The following MME variants were observed in gnomAD, a reference collection of about 807,000 sequenced individuals.
MME encodes the protein neprilysin.
In MME, 98 loss-of-function variants were observed where a neutral mutation model predicts 113.2. That is an observed-to-expected ratio of 0.87 (90% CI 0.74 to 1.02). The LOEUF (loss-of-function observed/expected upper bound fraction) is 1.02. Ranked by LOEUF, MME falls within the 50% of genes least tolerant of loss-of-function variation. The pLI is 0.00. For missense variants in MME, 836 were observed against 896.0 expected (o/e 0.93, Z 0.86); for synonymous variants, 292 against 300.6 (o/e 0.97, Z 0.30).
intron 1 of MME, among the ~76,000 whole-genome samples, chr3:155,069,136 A>T (rs955149289): frequency 3.9e-5 from 6 of 152,158 alleles, no homozygotes; most frequent in Non-Finnish European, 7.3e-5. Flanking sequence ...TAATTTTTGT[A>T]GGTTTGGGAG....
intron 1 of MME, among the ~76,000 whole-genome samples, chr3:155,052,535 CA>C (rs1713796756): frequency 1.3e-5 from 2 of 152,262 alleles, no homozygotes; most frequent in African/African-American, 4.8e-5. Context: ...CCCTCTGAAG[CA>C]ATGACCTGAG....
chr3:155,031,201 T>C (rs2108113688), intron 1 of MME, among the ~76,000 whole-genome samples: 1 of 152,290 alleles, frequency 6.6e-6, no homozygotes, highest in East Asian at 1.9e-4. Context: ...TTAAAGGGTA[T>C]CATCTGATAT....
chr3:155,129,514 G>A (rs1719965294), intron 8 of MME, among the ~76,000 whole-genome samples: 1 of 151,566 alleles, frequency 6.6e-6, no homozygotes, highest in South Asian at 2.1e-4. Flanking sequence ...TGGAATTTTT[G>A]TATTGTAATA....
intron 1 of MME, among the ~76,000 whole-genome samples, chr3:155,033,781 C>G (rs1713046846): frequency 1.3e-5 from 2 of 151,914 alleles, no homozygotes; most frequent in African/African-American, 4.8e-5. Context: ...ATACAATGAA[C>G]AGATATACCT....
intron 8 of MME, among the ~76,000 whole-genome samples, chr3:155,134,773 T>G (rs2108297342): frequency 6.6e-6 from 1 of 152,302 alleles, no homozygotes; most frequent in South Asian, 2.1e-4. Flanking sequence ...AAGTGTTCCC[T>G]TTTCTCTGTA....
chr3:155,101,893 G>GA (rs1332783296), intron 3 of MME, among the ~76,000 whole-genome samples: 3 of 151,868 alleles, frequency 2.0e-5, no homozygotes, highest in Non-Finnish European at 2.9e-5. Flanking sequence ...GTTTTACATG[G>GA]AAAAAAAATG....
intron 8 of MME, among the ~76,000 whole-genome samples, chr3:155,136,677 CT>C (rs1720661772): frequency 6.6e-6 from 1 of 152,064 alleles, no homozygotes; most frequent in Non-Finnish European, 1.5e-5. Flanking sequence ...TTCTATTTTC[CT>C]ATTAGTTTTA....
At chr3:155,089,695 T>C (rs562071928) in intron 3 of MME, 158 of 286,346 alleles carry the variant, frequency 5.5e-4, no homozygotes, top group African/African-American at 3.3e-3. Context: ...CCTCTGAATA[T>C]GTTGCCTTAT....
intron 9 of MME, 32 bp downstream of exon 9, chr3:155,138,268 A>G (rs752715507): frequency 1.2e-6 from 2 of 1,607,618 alleles, no homozygotes; most frequent in South Asian, 1.1e-5. Flanking sequence ...GATACACTGA[A>G]TAATGTCAAC....
chr3:155,068,272 G>A (rs930854810), intron 1 of MME, among the ~76,000 whole-genome samples: 2 of 152,174 alleles, frequency 1.3e-5, no homozygotes, highest in Non-Finnish European at 2.9e-5. Context: ...GGTTGCCTAA[G>A]AATAAGAGAT....
rs755092137 is a variant in MME at position 155,172,585 on chromosome 3, C to T, written c.2126C>T (p.Thr709Ile). 6.2e-7 allele frequency: 1 copy of T among 1,612,852 alleles called. No homozygotes were observed. The highest frequency in any genetic ancestry group is 1.3e-5 in the African/African-American group (1 of 74,836). Residue 709 changes from threonine to isoleucine, a missense_variant, in exon 22 of 23, where the codon ACA becomes ATA. Thr to Ile is a moderately conservative substitution (Grantham distance 89). Coordinates refer to ENST00000360490, the MANE Select transcript of MME (RefSeq NM_007289.4). ...RPEYAVNSIK[T>I]DVHSPGNFRI... is the part of the protein sequence containing the mutation. Reference sequence around the variant, plus strand: ...GAGTATGCGGTTAACTCCATTAAAACAGATGTGCACAGTCCAGGCAATTTC... The same window carrying T: ...GAGTATGCGGTTAACTCCATTAAAATAGATGTGCACAGTCCAGGCAATTTC...
rs1468741223 is a variant in MME, at chr3:155,142,127, G to T, written c.1094G>T (p.Arg365Ile). ...LKPILTKYSA[R>I]DLQNLMSWRF... ...CCCATTCTTACCAAATATTCTGCCA[G>T]GTAGGTATGTCACAGTCCCCATGTC... Residue 365 changes from arginine to isoleucine, a missense_variant and splice_region_variant, in exon 11 of 23, where the codon AGA becomes ATA. Transcript: ENST00000360490. The T allele has an allele frequency of 6.2e-7, 1 of 1,613,658 alleles. No individual in the cohort carries two copies. The highest frequency in any genetic ancestry group is 1.3e-5 in the African/African-American group (1 of 74,856).
At chr3:155,036,477 A>G (rs1294689616) in intron 1 of MME, among the ~76,000 whole-genome samples, 2 of 152,126 alleles carry the variant, frequency 1.3e-5, no homozygotes, top group Admixed American at 6.6e-5. Flanking sequence ...TTTTGTCCCT[A>G]TACCTTTAAT....
rs181360080 is a variant in MME at position 155,170,029 on chromosome 3, G to A, written c.1980+1232G>A. ...TGAATGTTTAGTAATTTTTTTGTTC[G>A]ATGCCAGACATTATGCATTTTACCT... is the stretch of plus-strand genomic sequence containing the variant. On this transcript the variant is annotated intron_variant, in intron 20 of 22. Coordinates refer to ENST00000360490, the MANE Select transcript of MME (RefSeq NM_007289.4). Among the ~76,000 whole-genome samples the A allele has an allele frequency of 1.1e-4, 16 of 152,114 alleles. No homozygotes were observed. The East Asian group carries it at 1.9e-3, about 18-fold the overall frequency.
intron 3 of MME, chr3:155,112,187 G>A (rs1471281069): frequency 6.6e-6 from 1 of 152,174 alleles, no homozygotes; most frequent in Non-Finnish European, 1.5e-5. Flanking sequence ...CAGTCCAGGT[G>A]AGGAGATAAT....
intron 1 of MME, among the ~76,000 whole-genome samples, chr3:155,031,542 T>C (rs2108113933): frequency 6.6e-6 from 1 of 152,346 alleles, no homozygotes; most frequent in Middle Eastern, 3.4e-3. Flanking sequence ...GGCAATCTCT[T>C]GTAAAGAAAT....
chr3:155,104,298 A>G (rs377634209), intron 3 of MME, among the ~76,000 whole-genome samples: 49 of 152,200 alleles, frequency 3.2e-4, no homozygotes, highest in African/African-American at 1.2e-3. Context: ...GATTTAACAT[A>G]ATCTTCTGGA....
At chr3:155,125,288 C>A (rs1226118556) in intron 8 of MME, among the ~76,000 whole-genome samples, 1 of 98,148 alleles carries the variant, frequency 1.0e-5, no homozygotes, top group South Asian at 3.8e-4. Flanking sequence ...ACGCACGGTG[C>A]GTGCACCCAC....
Position 155,168,559 on chromosome 3 carries a change from G to A in MME, c.1848G>A (p.Lys616=). ...WWTQQSASNF[K]EQSQCMVYQY... Reference sequence around the variant, plus strand: ...CTCAACAGTCTGCAAGTAACTTTAAGGAGCAATCCCAGTGCATGGTGTATC... The same window carrying A: ...CTCAACAGTCTGCAAGTAACTTTAAAGAGCAATCCCAGTGCATGGTGTATC... Residue 616 remains lysine (K), a synonymous_variant, in exon 19 of 23, where the codon AAG becomes AAA. Transcript: ENST00000360490. 1 of 1,613,824 alleles carries A rather than the reference G, an allele frequency of 6.2e-7. No homozygotes were observed. The highest frequency in any genetic ancestry group is 8.5e-7 in the Non-Finnish European group (1 of 1,179,834).
Sources: allele counts gnomAD v4.1 joint callset (sites outside exome capture counted in the v4.1 genomes callset), GRCh38; gene constraint gnomAD v4.1.1; transcripts MANE v1.5; gene names NCBI Gene and HGNC (gene_info 2026-07-23, HGNC 2026-07-21).